The following GNAI1 variants were observed in gnomAD, a reference collection of about 807,000 sequenced individuals.
GNAI1 encodes guanine nucleotide-binding protein G(i) subunit alpha-1.
Under a neutral mutation model 38.9 loss-of-function variants are expected in GNAI1, and 11 were observed. The observed-to-expected ratio is 0.28, with a 90% CI of 0.18 to 0.47. The LOEUF (loss-of-function observed/expected upper bound fraction) is 0.47, where lower values mean the gene tolerates loss of function less well. GNAI1 is among the 20% of genes least tolerant of loss of function. The pLI is 0.99. For missense variants in GNAI1, 317 were observed against 436.9 expected (o/e 0.73, Z 2.45); for synonymous variants, 166 against 145.1 (o/e 1.14, Z -1.04).
At chr7:80,194,594 G>A (rs190758431) in intron 3 of GNAI1, among the ~76,000 whole-genome samples, 247 of 152,168 alleles carry the variant, frequency 1.6e-3, no homozygotes, top group Middle Eastern at 0.01. Context: ...ATTTGTTTCT[G>A]TGTTTATTTT....
intron 1 of GNAI1, among the ~76,000 whole-genome samples, chr7:80,169,114 T>G (rs1362884089): frequency 2.0e-5 from 3 of 152,238 alleles, no homozygotes; most frequent in Admixed American, 6.5e-5. Context: ...GATTTTCCCC[T>G]TTAAAATGTT....
At chr7:80,164,038 T>G (rs1390110096) in intron 1 of GNAI1, among the ~76,000 whole-genome samples, 12 of 136,020 alleles carry the variant, frequency 8.8e-5, no homozygotes, top group African/African-American at 1.6e-4. Context: ...ACTGGTGCTT[T>G]CTTTTTTTTT....
chr7:80,211,803 G>A (rs964712328), intron 6 of GNAI1, among the ~76,000 whole-genome samples: 5 of 152,142 alleles, frequency 3.3e-5, no homozygotes, highest in Non-Finnish European at 7.4e-5. Flanking sequence ...TGGGGGAAAT[G>A]TTTTTAAATA....
chr7:80,135,978 A>G (rs1420930636), intron 1 of GNAI1: 1 of 985,162 alleles, frequency 1.0e-6, no homozygotes, highest in African/African-American at 1.7e-5. Flanking sequence ...CAGATACTCG[A>G]GTGGTGAAAA....
rs1217776764 is a variant in GNAI1, at chr7:80,188,922, T to G, written c.119-29T>G. ...TATACTTAAGTGATTATGATGAAAT[T>G]AGAAACCTTTTATGTTTTATATTTT... On this transcript the variant is annotated intron_variant, in intron 1 of 7. Transcript: ENST00000649796. 2.0e-6 allele frequency: 3 copies of G among 1,485,538 alleles called. No homozygotes were observed. The African/African-American group carries it at 4.2e-5, about 21-fold the overall frequency. 92.0% of individuals were successfully genotyped at this position (1,485,538 alleles called of 1,614,324 possible). A position where few individuals can be genotyped will look rare whatever the true frequency, so the allele number is the denominator to read the frequency against.
intron 1 of GNAI1, chr7:80,135,855 A>G (rs1451584230): frequency 1.0e-6 from 1 of 985,176 alleles, no homozygotes; most frequent in Non-Finnish European, 1.2e-6. Context: ...AGCGCTGATT[A>G]CATTCCCCCT....
intron 1 of GNAI1, among the ~76,000 whole-genome samples, chr7:80,177,884 A>G (rs1176088316): frequency 6.6e-6 from 1 of 152,256 alleles, no homozygotes; most frequent in Middle Eastern, 3.2e-3. Context: ...GTGAGGCTAT[A>G]GCTGCCATTA....
rs772698530 is a variant in GNAI1 at position 80,220,951 on chromosome 7, A to G, written c.*3458A>G. On this transcript the variant is annotated 3_prime_UTR_variant, in exon 8 of 8. Transcript: ENST00000649796. ...GAGATACTTATTAATGTCTTTCATC[A>G]GAGCTATTTTTTACTCCTTAGATGT... 2.0e-5 allele frequency among the ~76,000 whole-genome samples: 3 copies of G among 152,212 alleles called. No individual in the cohort carries two copies. Among genetic ancestry groups the G allele is most frequent in the Non-Finnish European group, 4.4e-5 (3 of 68,034 alleles).
intron 3 of GNAI1, among the ~76,000 whole-genome samples, chr7:80,192,233 T>C (rs1233726212): frequency 6.6e-6 from 1 of 152,200 alleles, no homozygotes; most frequent in Admixed American, 6.5e-5. Flanking sequence ...CTTCACCTTA[T>C]AATTTTTTAA....
chr7:80,138,442 A>G (rs1787464742), intron 1 of GNAI1, among the ~76,000 whole-genome samples: 1 of 152,226 alleles, frequency 6.6e-6, no homozygotes, highest in Non-Finnish European at 1.5e-5. Flanking sequence ...TTTTATGCTT[A>G]TTAGGATGAT....
chr7:80,212,449 T>A (rs1584055625), intron 6 of GNAI1, among the ~76,000 whole-genome samples: 1 of 152,218 alleles, frequency 6.6e-6, no homozygotes, highest in African/African-American at 2.4e-5. Context: ...GATTATAATG[T>A]CCTGTAGCAG....
At chr7:80,191,101 ATTAC>A (rs1788472153) in intron 3 of GNAI1, among the ~76,000 whole-genome samples, 1 of 151,380 alleles carries the variant, frequency 6.6e-6, no homozygotes, top group Non-Finnish European at 1.5e-5. Context: ...CCTTTAGACT[ATTAC>A]TTCTGTTTGC....
At chr7:80,186,346 T>G (rs1452449239) in intron 1 of GNAI1, among the ~76,000 whole-genome samples, 1 of 152,136 alleles carries the variant, frequency 6.6e-6, no homozygotes, top group African/African-American at 2.4e-5. Flanking sequence ...CTCTTTAATG[T>G]TAAACAGATT....
chr7:80,151,555 C>T (rs1787727296), intron 1 of GNAI1, among the ~76,000 whole-genome samples: 5 of 152,172 alleles, frequency 3.3e-5, no homozygotes, highest in Non-Finnish European at 7.3e-5. Flanking sequence ...TTCTTCCCTT[C>T]TCTTTCTCTA....
At chr7:80,206,725 G>A (rs1456774956) in intron 5 of GNAI1, among the ~76,000 whole-genome samples, 1 of 151,932 alleles carries the variant, frequency 6.6e-6, no homozygotes, top group Non-Finnish European at 1.5e-5. Context: ...TACGTTCCAA[G>A]ACCCCCCATA....
rs1254442088 is a variant in GNAI1, at chr7:80,221,076, A to G, written c.*3583A>G. ...TAGTTGATACTGTAATCATTATTAC[A>G]GATGGTAGCATCATCATTGCTTAGT... On this transcript the variant is annotated 3_prime_UTR_variant, in exon 8 of 8. Transcript: ENST00000649796. Among the ~76,000 whole-genome samples the G allele has an allele frequency of 6.6e-6, 1 of 152,214 alleles. No homozygotes were observed. The highest frequency in any genetic ancestry group is 1.5e-5 in the Non-Finnish European group (1 of 68,040).
chr7:80,188,858 G>A, intron 1 of GNAI1, 93 bp from the exon 2 acceptor site: 1 of 715,856 alleles, frequency 1.4e-6, no homozygotes, highest in Non-Finnish European at 2.4e-6. Flanking sequence ...GAGACTGGGT[G>A]TGTGTGTGTG....
At chr7:80,181,314 A>G (rs545919589) in intron 1 of GNAI1, among the ~76,000 whole-genome samples, 13 of 152,270 alleles carry the variant, frequency 8.5e-5, no homozygotes, top group African/African-American at 3.1e-4. Flanking sequence ...AACATTTAAC[A>G]TTTGCTTAAG....
intron 3 of GNAI1, among the ~76,000 whole-genome samples, chr7:80,198,804 A>G (rs906625885): frequency 5.3e-5 from 8 of 152,206 alleles, no homozygotes; most frequent in African/African-American, 1.7e-4. Flanking sequence ...ATTCAATTCT[A>G]TCTCTAATCT....
Sources: gnomAD v4.1 joint callset for allele counts (sites outside exome capture counted in the v4.1 genomes callset) on GRCh38, gnomAD v4.1.1 for gene constraint, MANE v1.5 for transcripts, NCBI Gene and HGNC (gene_info 2026-07-23, HGNC 2026-07-21) for gene names.